SLC25A16: variants seen among roughly 807,000 people sequenced by gnomAD.
SLC25A16 encodes the protein mitochondrial coenzyme A transporter SLC25A16.
In SLC25A16, 39 loss-of-function variants were observed where a neutral mutation model predicts 41.5. The ratio of observed to expected loss-of-function variants is 0.94; its 90% confidence interval spans 0.73 to 1.23. The LOEUF is 1.23. SLC25A16 is among the 50% of genes most tolerant of loss of function. The probability of loss-of-function intolerance (pLI) is 0.00; values close to 1 mark genes in which losing one functional copy is unlikely to be tolerated. For synonymous variants in SLC25A16, 146 were observed against 147.8 expected (o/e 0.99, Z 0.09); for missense variants, 421 against 426.9 (o/e 0.99, Z 0.12).
rs1324183148 is a variant in SLC25A16 at position 68,480,765 on chromosome 10, A to C, written c.*2667T>G. On this transcript the variant is annotated 3_prime_UTR_variant, in exon 9 of 9. Transcript: ENST00000609923. ...CCCGCCTCAGCCTCCCAAAGTGCTG[A>C]GATTACAGGGGTGAGCCACCATGCC... 1 of 151,714 alleles carries C rather than the reference A, an allele frequency of 6.6e-6. No homozygotes were observed. Among genetic ancestry groups the C allele is most frequent in the Non-Finnish European group, 1.5e-5 (1 of 67,904 alleles). 9.4% of individuals were successfully genotyped at this position (151,714 alleles called of 1,614,324 possible). A position where few individuals can be genotyped will look rare whatever the true frequency, so the allele number is the denominator to read the frequency against.
chr10:68,503,476 A>G (rs1261201098), intron 4 of SLC25A16, among the ~76,000 whole-genome samples, 156 bp downstream of exon 4: 1 of 152,190 alleles, frequency 6.6e-6, no homozygotes, highest in African/African-American at 2.4e-5. Flanking sequence ...ATTTTAATAC[A>G]TACCTTTTTT....
intron 4 of SLC25A16, among the ~76,000 whole-genome samples, chr10:68,493,830 A>G (rs2052703669): frequency 6.6e-6 from 1 of 152,184 alleles, no homozygotes; most frequent in African/African-American, 2.4e-5. Flanking sequence ...TGTACAGTGT[A>G]AGGGAATCAT....
intron 2 of SLC25A16, 84 bp downstream of exon 2, chr10:68,516,667 T>C: frequency 3.2e-6 from 3 of 928,430 alleles, no homozygotes; most frequent in Non-Finnish European, 4.8e-6. Flanking sequence ...CTTTACTTTT[T>C]ACACCCCCAA....
At chr10:68,492,014 G>A (rs1048227432) in intron 6 of SLC25A16, among the ~76,000 whole-genome samples, 2 of 151,992 alleles carry the variant, frequency 1.3e-5, no homozygotes, top group Non-Finnish European at 2.9e-5. Context: ...TTTTAATAGA[G>A]ATGGGGTTTC....
intron 4 of SLC25A16, among the ~76,000 whole-genome samples, chr10:68,495,781 CAAAA>C (rs60845242): frequency 5.6e-5 from 5 of 89,632 alleles, no homozygotes; most frequent in African/African-American, 1.3e-4. Flanking sequence ...GACTATGTCT[CAAAA>C]AAAAAAAAAA....
At chr10:68,508,014 T>A (rs2052986688) in intron 2 of SLC25A16, among the ~76,000 whole-genome samples, 1 of 152,158 alleles carries the variant, frequency 6.6e-6, no homozygotes, top group African/African-American at 2.4e-5. Context: ...GTGGATCACC[T>A]GAGGTCAGGA....
intron 2 of SLC25A16, among the ~76,000 whole-genome samples, chr10:68,515,793 T>C (rs2133584807): frequency 6.7e-6 from 1 of 149,890 alleles, no homozygotes; most frequent in South Asian, 2.2e-4. Flanking sequence ...AGCGAAACTC[T>C]GCCTCAAAAA....
intron 1 of SLC25A16, among the ~76,000 whole-genome samples, chr10:68,519,619 T>A (rs2053218217): frequency 6.6e-6 from 1 of 151,692 alleles, no homozygotes; most frequent in Non-Finnish European, 1.5e-5. Context: ...ATTAACTGTA[T>A]AATGAATTAT....
chr10:68,488,761 T>A, intron 6 of SLC25A16, 132 bp from the exon 7 acceptor site: 1 of 740,218 alleles, frequency 1.4e-6, no homozygotes, highest in Non-Finnish European at 2.1e-6. Context: ...AAGATTTGTG[T>A]ACATAAATAA....
chr10:68,510,313 C>T (rs1472685276), intron 2 of SLC25A16, among the ~76,000 whole-genome samples: 4 of 151,720 alleles, frequency 2.6e-5, no homozygotes, highest in Non-Finnish European at 2.9e-5. Context: ...GGGTGGATCA[C>T]CTGAGGTCAG....
At chr10:68,517,750 C>T (rs2053183321) in intron 1 of SLC25A16, 1 of 152,122 alleles carries the variant, frequency 6.6e-6, no homozygotes, top group African/African-American at 2.4e-5. Flanking sequence ...GGGCAGATCT[C>T]CTGAGGTCAG....
chr10:68,525,334 C>G lies in SLC25A16; in HGVS notation c.130+1912G>C, dbSNP rs556213921. ...TAGTTTTAGTAGAGACAGGGTTTCA[C>G]CATGTTGGCCAGGCTGGTCTCAAAC... On this transcript the variant is annotated intron_variant, in intron 1 of 8. Transcript: ENST00000609923. Among the ~76,000 whole-genome samples the G allele has an allele frequency of 3.9e-5, 6 of 152,176 alleles. No homozygotes were observed. In the South Asian group the frequency reaches 1.0e-3, roughly 26 times the overall value.
At chr10:68,503,764 G>C (rs2052899419) in intron 3 of SLC25A16, 69 bp from the exon 4 acceptor site, 5 of 946,356 alleles carry the variant, frequency 5.3e-6, no homozygotes. Flanking sequence ...GTTTAATAAT[G>C]AAGATTTATT....
At chr10:68,504,825 C>T (rs1030900483) in intron 3 of SLC25A16, among the ~76,000 whole-genome samples, 2 of 152,132 alleles carry the variant, frequency 1.3e-5, no homozygotes, top group African/African-American at 2.4e-5. Flanking sequence ...GGATTATAGG[C>T]ATGCGCCACC....
At chr10:68,522,368 G>A (rs548543210) in intron 1 of SLC25A16, among the ~76,000 whole-genome samples, 1 of 152,150 alleles carries the variant, frequency 6.6e-6, no homozygotes, top group African/African-American at 2.4e-5. Flanking sequence ...CAGATGAGAG[G>A]AGAGGATTGT....
At chr10:68,498,215 T>C (rs942546243) in intron 4 of SLC25A16, among the ~76,000 whole-genome samples, 10 of 152,070 alleles carry the variant, frequency 6.6e-5, no homozygotes, top group African/African-American at 2.4e-4. Flanking sequence ...AATTCAAGAG[T>C]TGGACTACCA....
intron 2 of SLC25A16, among the ~76,000 whole-genome samples, chr10:68,508,718 C>CA (rs201783612): frequency 0.045 from 6,609 of 145,968 alleles, 202 homozygotes; most frequent in Middle Eastern, 0.09. Context: ...AACTCCATCT[C>CA]AAAAAAAAAA....
intron 3 of SLC25A16, 54 bp downstream of exon 3, chr10:68,506,531 C>G (rs907442378): frequency 3.1e-6 from 4 of 1,273,664 alleles, no homozygotes; most frequent in Non-Finnish European, 4.3e-6. Flanking sequence ...AATGCCTGGT[C>G]AAGCATGCAT....
At chr10:68,502,011 A>C (rs1305491166) in intron 4 of SLC25A16, among the ~76,000 whole-genome samples, 1 of 152,122 alleles carries the variant, frequency 6.6e-6, no homozygotes, top group Non-Finnish European at 1.5e-5. Flanking sequence ...AGCCTGGCCA[A>C]TGTGGCAATA....
Sources: allele counts gnomAD v4.1 joint callset (sites outside exome capture counted in the v4.1 genomes callset), GRCh38; gene constraint gnomAD v4.1.1; transcripts MANE v1.5; gene names NCBI Gene and HGNC (gene_info 2026-07-23, HGNC 2026-07-21).